Variants in SGCZ observed in about 807,000 individuals in gnomAD.
The protein encoded by SGCZ is zeta-sarcoglycan.
Under a neutral mutation model 41.3 loss-of-function variants are expected in SGCZ, and 40 were observed. That is an observed-to-expected ratio of 0.97 (90% CI 0.75 to 1.26). SGCZ has a LOEUF of 1.26. SGCZ is among the 50% of genes most tolerant of loss of function. The probability of loss-of-function intolerance (pLI) is 0.00; values close to 1 mark genes in which losing one functional copy is unlikely to be tolerated. For synonymous variants in SGCZ, 206 were observed against 137.5 expected, an observed-to-expected ratio of 1.50 and a Z score of -3.49; for missense variants, 552 against 369.8, an observed-to-expected ratio of 1.49 and a Z score of -4.04.
intron 1 of SGCZ, among the ~76,000 whole-genome samples, chr8:14,638,429 T>C (rs1263832984): frequency 2.6e-5 from 4 of 151,864 alleles, no homozygotes; most frequent in Non-Finnish European, 5.9e-5. Flanking sequence ...TAAATAACAT[T>C]TCCTTAAAAT....
chr8:14,392,646 G>A (rs1039676268), intron 2 of SGCZ, among the ~76,000 whole-genome samples: 21 of 151,956 alleles, frequency 1.4e-4, no homozygotes, highest in Non-Finnish European at 2.9e-5. Context: ...GATAAACTAT[G>A]GTTACTTGAA....
intron 3 of SGCZ, among the ~76,000 whole-genome samples, chr8:14,322,815 A>G (rs1801970809): frequency 6.6e-6 from 1 of 152,142 alleles, no homozygotes; most frequent in South Asian, 2.1e-4. Flanking sequence ...AATAGTGCCA[A>G]ACACAAGGAC....
intron 3 of SGCZ, among the ~76,000 whole-genome samples, chr8:14,318,416 G>A (rs531721983): frequency 6.6e-6 from 1 of 151,894 alleles, no homozygotes; most frequent in South Asian, 2.1e-4. Flanking sequence ...AACATAAAAA[G>A]CAGAAGTCAA....
intron 3 of SGCZ, among the ~76,000 whole-genome samples, chr8:14,248,285 G>C (rs1056623857): frequency 6.6e-6 from 1 of 152,092 alleles, no homozygotes; most frequent in Non-Finnish European, 1.5e-5. Flanking sequence ...TACATAAAAA[G>C]CTTGTGAAAC....
intron 1 of SGCZ, among the ~76,000 whole-genome samples, chr8:14,991,813 C>G (rs1203075124): frequency 2.6e-5 from 4 of 151,682 alleles, no homozygotes; most frequent in Admixed American, 6.6e-5. Context: ...ATGTTTACCT[C>G]TCACCCATCG....
At chr8:14,262,953 C>T (rs73222835) in intron 3 of SGCZ, among the ~76,000 whole-genome samples, 36,269 of 151,910 alleles carry the variant, frequency 0.24, 5,090 homozygotes, top group South Asian at 0.45. Flanking sequence ...TCCCTTATTA[C>T]CTTGATTTAC....
chr8:14,716,391 G>C (rs1371195431), intron 1 of SGCZ, among the ~76,000 whole-genome samples: 130 of 152,114 alleles, frequency 8.5e-4, no homozygotes, highest in Admixed American at 8.5e-3. Flanking sequence ...TATGTTTAAA[G>C]TGATATTACA....
At chr8:14,131,590 T>C (rs1392435392) in intron 5 of SGCZ, among the ~76,000 whole-genome samples, 1 of 152,184 alleles carries the variant, frequency 6.6e-6, no homozygotes, top group Non-Finnish European at 1.5e-5. Context: ...GCCAGCTTGA[T>C]TAAAAAGTGT....
At chr8:14,880,971 T>C (rs1437046330) in intron 1 of SGCZ, among the ~76,000 whole-genome samples, 1 of 151,828 alleles carries the variant, frequency 6.6e-6, no homozygotes, top group Non-Finnish European at 1.5e-5. Context: ...AAAAGAAATA[T>C]ATCACAGACA....
intron 3 of SGCZ, among the ~76,000 whole-genome samples, chr8:14,256,309 C>A (rs998196279): frequency 6.6e-6 from 1 of 152,004 alleles, no homozygotes; most frequent in African/African-American, 2.4e-5. Flanking sequence ...GCCATATAGT[C>A]ATTGGCTCTA....
At chr8:15,109,773 A>G (rs1343355145) in intron 1 of SGCZ, among the ~76,000 whole-genome samples, 1 of 152,170 alleles carries the variant, frequency 6.6e-6, no homozygotes, top group Non-Finnish European at 1.5e-5. Flanking sequence ...CATGTTAGCC[A>G]TTATTATTAT....
chr8:14,582,713 G>C (rs1430918421), intron 1 of SGCZ, among the ~76,000 whole-genome samples: 1 of 136,074 alleles, frequency 7.3e-6, no homozygotes, highest in Non-Finnish European at 1.5e-5. Context: ...CTGTGTCCGT[G>C]TGTTCTCATT....
At position 14,923,823 on chromosome 8, in the gene SGCZ, C is replaced by T. The variant is rs76795806; in HGVS notation, c.39+313762G>A. Among the ~76,000 whole-genome samples the T allele has an allele frequency of 1.8e-3, 273 of 152,274 alleles. 1 individual carries two copies. The highest frequency in any genetic ancestry group is 6.2e-3 in the African/African-American group (259 of 41,540). ...GCTGGTGATTCTGCTACAAGCACAA[C>T]TAAAATGAAATTACAGACGTTCAAC... On this transcript the variant is annotated intron_variant, in intron 1 of 7. Coordinates refer to ENST00000382080, the MANE Select transcript of SGCZ (RefSeq NM_139167.4).
At chr8:14,254,569 C>T (rs924265780) in intron 3 of SGCZ, among the ~76,000 whole-genome samples, 1 of 152,168 alleles carries the variant, frequency 6.6e-6, no homozygotes, top group African/African-American at 2.4e-5. Flanking sequence ...GTGTCATATT[C>T]CTCTAAATTG....
rs561969458 is a variant in SGCZ, at chr8:14,582,128, A to G, written c.40-27202T>C. ...ATATTTTCTCTTTCTTGTAATTTTT[A>G]AGTAACATTTTATTTCTCTAATTAT... On this transcript the variant is annotated intron_variant, in intron 1 of 7. Transcript: ENST00000382080. Among the ~76,000 whole-genome samples the G allele has an allele frequency of 2.6e-5, 4 of 152,268 alleles. No homozygotes were observed. In the South Asian group the frequency reaches 8.3e-4, roughly 32 times the overall value.
intron 5 of SGCZ, among the ~76,000 whole-genome samples, chr8:14,141,697 A>G (rs1803375109): frequency 6.6e-6 from 1 of 152,222 alleles, no homozygotes. Flanking sequence ...GAGAAATAGG[A>G]ACACTTTTCC....
chr8:14,681,872 T>C (rs1212273712), intron 1 of SGCZ, among the ~76,000 whole-genome samples: 1 of 152,100 alleles, frequency 6.6e-6, no homozygotes, highest in East Asian at 1.9e-4. Flanking sequence ...TAGGGAGAAG[T>C]AGTTTAAATG....
intron 2 of SGCZ, among the ~76,000 whole-genome samples, chr8:14,331,194 A>G (rs1034375652): frequency 6.6e-6 from 1 of 152,014 alleles, no homozygotes; most frequent in Non-Finnish European, 1.5e-5. Context: ...ATAAAATAAA[A>G]GGAATACATA....
At chr8:14,622,662 G>A (rs1806324830) in intron 1 of SGCZ, among the ~76,000 whole-genome samples, 1 of 152,116 alleles carries the variant, frequency 6.6e-6, no homozygotes, top group Admixed American at 6.6e-5. Context: ...TTAGGTTACT[G>A]CTCAAAGCTA....
Sources: allele counts gnomAD v4.1 joint callset (sites outside exome capture counted in the v4.1 genomes callset), GRCh38; gene constraint gnomAD v4.1.1; transcripts MANE v1.5; gene names NCBI Gene and HGNC (gene_info 2026-07-23, HGNC 2026-07-21).